SLC25A21: variants seen among roughly 807,000 people sequenced by gnomAD.
The protein encoded by SLC25A21 is mitochondrial 2-oxodicarboxylate carrier.
A neutral mutation model predicts 43.8 loss-of-function variants in SLC25A21; 47 were observed. The observed-to-expected ratio is 1.07, with a 90% CI of 0.85 to 1.37. The LOEUF is 1.37. SLC25A21 is among the 40% of genes most tolerant of loss of function. The pLI is 0.00. For synonymous variants in SLC25A21, 131 were observed against 121.3 expected (o/e 1.08, Z -0.52); for missense variants, 352 against 350.2 (o/e 1.00, Z -0.04).
chr14:36,843,183 A>G (rs143633105), intron 2 of SLC25A21, among the ~76,000 whole-genome samples: 3 of 152,306 alleles, frequency 2.0e-5, no homozygotes, highest in African/African-American at 7.2e-5. Context: ...TCCCTGGCCC[A>G]GGGTTTGGGG....
intron 1 of SLC25A21, among the ~76,000 whole-genome samples, chr14:36,896,838 CT>C (rs540230484): frequency 1.6e-3 from 242 of 152,284 alleles, no homozygotes; most frequent in Middle Eastern, 0.01. Context: ...GTTGAAAATT[CT>C]TTTCTTTAAG....
At chr14:36,800,956 T>G (rs1244012197) in intron 3 of SLC25A21, among the ~76,000 whole-genome samples, 2 of 152,142 alleles carry the variant, frequency 1.3e-5, no homozygotes, top group South Asian at 4.1e-4. Flanking sequence ...ATGGAAACAT[T>G]TTTTTCTCAG....
At chr14:36,737,065 T>C (rs1397472769) in intron 3 of SLC25A21, among the ~76,000 whole-genome samples, 4 of 152,206 alleles carry the variant, frequency 2.6e-5, no homozygotes, top group South Asian at 4.1e-4. Flanking sequence ...AGCAAATCCA[T>C]GCATTTGATG....
At chr14:36,687,583 C>A (rs1882611001) in intron 7 of SLC25A21, among the ~76,000 whole-genome samples, 1 of 152,210 alleles carries the variant, frequency 6.6e-6, no homozygotes, top group Admixed American at 6.5e-5. Flanking sequence ...TCACTGACCA[C>A]CAGCTTCTGG....
At chr14:36,727,193 A>G (rs1884635807) in intron 5 of SLC25A21, among the ~76,000 whole-genome samples, 1 of 152,142 alleles carries the variant, frequency 6.6e-6, no homozygotes. Context: ...TTCATTATTT[A>G]CCCAAAGGTG....
intron 3 of SLC25A21, among the ~76,000 whole-genome samples, chr14:36,738,334 G>T (rs1295485288): frequency 6.6e-6 from 1 of 151,972 alleles, no homozygotes; most frequent in Non-Finnish European, 1.5e-5. Flanking sequence ...TTCTGCAAAA[G>T]AACTGATGTT....
intron 7 of SLC25A21, among the ~76,000 whole-genome samples, chr14:36,705,502 C>T (rs1883498825): frequency 6.6e-6 from 1 of 152,054 alleles, no homozygotes; most frequent in East Asian, 1.9e-4. Flanking sequence ...AATGTAAAAG[C>T]TCTCCACAGC....
At chr14:37,125,966 T>C (rs922049325) in intron 1 of SLC25A21, among the ~76,000 whole-genome samples, 2 of 152,196 alleles carry the variant, frequency 1.3e-5, no homozygotes, top group Non-Finnish European at 2.9e-5. Context: ...GAGTACTGAA[T>C]GATATAATAA....
intron 1 of SLC25A21, among the ~76,000 whole-genome samples, chr14:37,155,220 C>T (rs997201380): frequency 6.6e-6 from 1 of 152,022 alleles, no homozygotes; most frequent in African/African-American, 2.4e-5. Flanking sequence ...CAGGTGTTTG[C>T]CACCATGCCT....
chr14:37,145,476 C>CACAGAGAGAGAG (rs780734735), intron 1 of SLC25A21, among the ~76,000 whole-genome samples: 4,680 of 143,574 alleles, frequency 0.033, 258 homozygotes, highest in African/African-American at 0.12. Flanking sequence ...CACACACACA[C>CACAGAGAGAGAG]AGAGAGATGA....
At chr14:36,719,345 T>A (rs1055647082) in intron 6 of SLC25A21, among the ~76,000 whole-genome samples, 2 of 152,134 alleles carry the variant, frequency 1.3e-5, no homozygotes, top group Non-Finnish European at 2.9e-5. Context: ...CCATCTCCAA[T>A]AGGGAAATCC....
chr14:36,944,404 G>A (rs1892635869), intron 1 of SLC25A21, among the ~76,000 whole-genome samples: 1 of 152,118 alleles, frequency 6.6e-6, no homozygotes, highest in Non-Finnish European at 1.5e-5. Context: ...AGGGCATAGG[G>A]TATCAAGGAA....
At chr14:36,697,937 T>A (rs1227296544) in intron 7 of SLC25A21, among the ~76,000 whole-genome samples, 1 of 152,206 alleles carries the variant, frequency 6.6e-6, no homozygotes, top group Non-Finnish European at 1.5e-5. Context: ...TTGTTATATG[T>A]GAATTTGATC....
At chr14:36,896,010 T>C (rs1417355954) in intron 1 of SLC25A21, among the ~76,000 whole-genome samples, 2 of 152,194 alleles carry the variant, frequency 1.3e-5, no homozygotes, top group Non-Finnish European at 2.9e-5. Context: ...AAAGAATGTA[T>C]ATTCTGTTGA....
chr14:36,779,673 CAT>C (rs1327500132), intron 3 of SLC25A21, among the ~76,000 whole-genome samples: 9 of 146,324 alleles, frequency 6.2e-5, no homozygotes, highest in South Asian at 2.2e-4. Context: ...AACACACACA[CAT>C]ACCACATTTT....
chr14:36,758,267 G>A (rs1243519113), intron 3 of SLC25A21, among the ~76,000 whole-genome samples: 1 of 152,056 alleles, frequency 6.6e-6, no homozygotes, highest in East Asian at 1.9e-4. Context: ...ATGATCTCCT[G>A]CATGAGTTTT....
chr14:36,797,086 T>C (rs1163283705), intron 3 of SLC25A21, among the ~76,000 whole-genome samples: 1 of 152,164 alleles, frequency 6.6e-6, no homozygotes, highest in Non-Finnish European at 1.5e-5. Context: ...GTTAGATGAG[T>C]ATAAAATTCT....
At chr14:37,085,875 G>A (rs1355065889) in intron 1 of SLC25A21, among the ~76,000 whole-genome samples, 3 of 152,182 alleles carry the variant, frequency 2.0e-5, no homozygotes, top group Non-Finnish European at 4.4e-5. Context: ...GCAGGCCGAG[G>A]CAGGCAGATC....
intron 2 of SLC25A21, among the ~76,000 whole-genome samples, chr14:36,843,711 A>T (rs1394444998): frequency 6.6e-6 from 1 of 152,180 alleles, no homozygotes; most frequent in African/African-American, 2.4e-5. Context: ...TTGTCACTTC[A>T]TTCACGAAAT....
Sources: allele counts gnomAD v4.1 joint callset (sites outside exome capture counted in the v4.1 genomes callset), GRCh38; gene constraint gnomAD v4.1.1; transcripts MANE v1.5; gene names NCBI Gene and HGNC (gene_info 2026-07-23, HGNC 2026-07-21).